CAMTA1: variants seen among roughly 807,000 people sequenced by gnomAD.
The protein encoded by CAMTA1 is calmodulin-binding transcription activator 1.
Under a neutral mutation model 170.9 loss-of-function variants are expected in CAMTA1, and 27 were observed. The ratio of observed to expected loss-of-function variants is 0.16; its 90% CI spans 0.12 to 0.22. The LOEUF (loss-of-function observed/expected upper bound fraction) is 0.22. Among genes scored for constraint, CAMTA1 ranks in the 10% least tolerant of loss-of-function variants. CAMTA1 has a pLI of 1.00. For synonymous variants in CAMTA1, 833 were observed against 891.5 expected, an observed-to-expected ratio of 0.93 and a Z score of 1.17; for missense variants, 1,619 against 2,217.2, an observed-to-expected ratio of 0.73 and a Z score of 5.42.
At chr1:7,055,263 A>T (rs936119057) in intron 3 of CAMTA1, among the ~76,000 whole-genome samples, 3 of 152,256 alleles carry the variant, frequency 2.0e-5, no homozygotes, top group Non-Finnish European at 4.4e-5. Flanking sequence ...TGACCAGCAC[A>T]TAGTATTAAC....
At chr1:7,445,938 C>T (rs2092668831) in intron 5 of CAMTA1, among the ~76,000 whole-genome samples, 1 of 152,078 alleles carries the variant, frequency 6.6e-6, no homozygotes, top group Non-Finnish European at 1.5e-5. Flanking sequence ...ACCTGGGTCC[C>T]ATCTGGGTGT....
At chr1:7,205,441 T>C (rs1426772811) in intron 4 of CAMTA1, among the ~76,000 whole-genome samples, 1 of 152,216 alleles carries the variant, frequency 6.6e-6, no homozygotes, top group African/African-American at 2.4e-5. Context: ...TTCATCTTCA[T>C]ATCTATCCAT....
intron 4 of CAMTA1, among the ~76,000 whole-genome samples, chr1:7,131,534 T>C (rs895811898): frequency 3.3e-5 from 5 of 151,782 alleles, no homozygotes; most frequent in African/African-American, 9.7e-5. Flanking sequence ...TTTTTTTTTT[T>C]TTTTCTTGCT....
At chr1:7,309,542 G>A (rs1184723256) in intron 5 of CAMTA1, among the ~76,000 whole-genome samples, 10 of 151,544 alleles carry the variant, frequency 6.6e-5, no homozygotes, top group Non-Finnish European at 1.0e-4. Flanking sequence ...CTCGTGATCC[G>A]CCCGCCTCGG....
At chr1:7,583,460 G>C (rs571846808) in intron 6 of CAMTA1, among the ~76,000 whole-genome samples, 4 of 152,128 alleles carry the variant, frequency 2.6e-5, no homozygotes, top group Non-Finnish European at 5.9e-5. Flanking sequence ...AGGAAGGTGT[G>C]ACTAACTGCT....
intron 4 of CAMTA1, among the ~76,000 whole-genome samples, chr1:7,147,691 T>C (rs139236608): frequency 1.4e-5 from 2 of 142,604 alleles, no homozygotes; most frequent in African/African-American, 5.3e-5. Flanking sequence ...TCATACACCA[T>C]GCACACACAC....
intron 6 of CAMTA1, among the ~76,000 whole-genome samples, chr1:7,481,329 C>G (rs1010020544): frequency 1.3e-4 from 20 of 152,206 alleles, no homozygotes; most frequent in African/African-American, 4.3e-4. Context: ...TCTTCCTCTC[C>G]CTGCTCACTC....
intron 3 of CAMTA1, among the ~76,000 whole-genome samples, chr1:7,040,150 G>A (rs971711724): frequency 1.3e-5 from 2 of 149,908 alleles, no homozygotes; most frequent in South Asian, 2.1e-4. Context: ...TTTTAGACAC[G>A]CTAACTGTGA....
At chr1:7,622,733 C>T (rs1244527572) in intron 6 of CAMTA1, among the ~76,000 whole-genome samples, 1 of 152,240 alleles carries the variant, frequency 6.6e-6, no homozygotes, top group African/African-American at 2.4e-5. Flanking sequence ...TAAAGCGTTC[C>T]TGAACCATTT....
chr1:7,307,716 A>G (rs1233953142), intron 5 of CAMTA1, among the ~76,000 whole-genome samples: 2 of 152,030 alleles, frequency 1.3e-5, no homozygotes, highest in Non-Finnish European at 2.9e-5. Context: ...ATTTGGCCAT[A>G]GTATATTCTT....
chr1:7,139,055 ATATT>A (rs1416533672), intron 4 of CAMTA1, among the ~76,000 whole-genome samples: 4 of 143,076 alleles, frequency 2.8e-5, no homozygotes, highest in African/African-American at 7.8e-5. Flanking sequence ...ATATATATTT[ATATT>A]TATTATTTGT....
chr1:7,631,496 C>A (rs1470057135), intron 6 of CAMTA1, among the ~76,000 whole-genome samples: 1 of 152,198 alleles, frequency 6.6e-6, no homozygotes, highest in African/African-American at 2.4e-5. Flanking sequence ...GAATGTGGAG[C>A]CCGAGACACA....
chr1:6,952,215 G>A (rs937402488), intron 3 of CAMTA1, among the ~76,000 whole-genome samples: 32 of 152,090 alleles, frequency 2.1e-4, no homozygotes, highest in Admixed American at 1.5e-3. Context: ...CGGATCACGA[G>A]GTCAGGAGAT....
intron 5 of CAMTA1, among the ~76,000 whole-genome samples, chr1:7,390,588 G>A (rs1430690808): frequency 6.6e-6 from 1 of 152,224 alleles, no homozygotes; most frequent in Non-Finnish European, 1.5e-5. Context: ...AGTAGTGCCT[G>A]TGGCAGTAGG....
At chr1:6,829,718 A>T (rs913638791) in intron 3 of CAMTA1, among the ~76,000 whole-genome samples, 1 of 152,218 alleles carries the variant, frequency 6.6e-6, no homozygotes, top group African/African-American at 2.4e-5. Context: ...CAGAGCCGGG[A>T]AGTGGGGGAC....
intron 16 of CAMTA1, among the ~76,000 whole-genome samples, chr1:7,739,186 T>C (rs1215710421): frequency 7.2e-5 from 11 of 152,102 alleles, no homozygotes; most frequent in Non-Finnish European, 1.3e-4. Context: ...CAACTTCCCA[T>C]TGATGCAACC....
chr1:6,891,389 A>G (rs1040835054), intron 3 of CAMTA1, among the ~76,000 whole-genome samples: 4 of 152,244 alleles, frequency 2.6e-5, no homozygotes, highest in Non-Finnish European at 5.9e-5. Flanking sequence ...CAGTCCCTGA[A>G]TTCCATTGTA....
Position 7,300,429 on chromosome 1 carries a change from T to C in CAMTA1, c.438+50803T>C, listed in dbSNP as rs980135872. The stretch of plus-strand genomic sequence containing the variant: ...CAGTGGCTCACGCCTGTAATCCCCA[T>C]ACTTTGGGAGGCCAAGGCAGGCGGA... On this transcript the variant is annotated intron_variant, in intron 5 of 22. Coordinates refer to ENST00000303635, the MANE Select transcript of CAMTA1 (RefSeq NM_015215.4). The surrounding 1 kb of genome is among the most constrained non-coding windows in gnomAD (Gnocchi z 4.1). 1.1e-4 allele frequency among the ~76,000 whole-genome samples: 17 copies of C among 152,282 alleles called. No homozygotes were observed. The highest frequency in any genetic ancestry group is 3.9e-4 in the African/African-American group (16 of 41,558).
At chr1:7,501,816 G>C (rs528440953) in intron 6 of CAMTA1, among the ~76,000 whole-genome samples, 1 of 152,192 alleles carries the variant, frequency 6.6e-6, no homozygotes, top group Non-Finnish European at 1.5e-5. Flanking sequence ...TAGAGTCTGG[G>C]GGTTCTAGGA....
Sources: allele counts gnomAD v4.1 joint callset (sites outside exome capture counted in the v4.1 genomes callset), GRCh38; gene constraint gnomAD v4.1.1; non-coding constraint Gnocchi (gnomAD v3.1); transcripts MANE v1.5; gene names NCBI Gene and HGNC (gene_info 2026-07-23, HGNC 2026-07-21).